PLXNB2: variants seen among roughly 807,000 people sequenced by gnomAD.
PLXNB2 encodes the protein plexin-B2.
A neutral mutation model predicts 202.6 loss-of-function variants in PLXNB2; 85 were observed. That is an observed-to-expected ratio of 0.42 (90% CI 0.35 to 0.50). PLXNB2 has a LOEUF of 0.50. PLXNB2 is among the 20% of genes least tolerant of loss of function. The pLI, the probability that PLXNB2 is intolerant of heterozygous loss-of-function variation, is 0.02. For synonymous variants in PLXNB2, 1,239 were observed against 1,137.6 expected, an observed-to-expected ratio of 1.09 and a Z score of -1.79; for missense variants, 2,063 against 2,586.2, an observed-to-expected ratio of 0.80 and a Z score of 4.39.
In PLXNB2 at chr22:50,284,388, T is replaced by C. The variant is rs1364820435; in HGVS notation, c.2182-175A>G. ...CCATGGACGCTGCTCTGTGCCACTC[T>C]GTCCCCAGGGAGGCAGAGGGCAGAG... On this transcript the variant is annotated intron_variant, in intron 12 of 36. Coordinates refer to ENST00000359337, the MANE Select transcript of PLXNB2 (RefSeq NM_012401.4). The surrounding 1 kb of genome is among the most constrained non-coding windows in gnomAD (Gnocchi z 8.0). The C allele has an allele frequency of 5.5e-6, 4 of 733,452 alleles. No homozygotes were observed. Among genetic ancestry groups the C allele is most frequent in the Non-Finnish European group, 9.2e-6 (4 of 433,096 alleles). 45.4% of individuals were successfully genotyped at this position (733,452 alleles called of 1,614,324 possible).
intron 1 of PLXNB2, among the ~76,000 whole-genome samples, chr22:50,300,715 G>C (rs1347543319): frequency 6.6e-6 from 1 of 152,186 alleles, no homozygotes; most frequent in African/African-American, 2.4e-5. Flanking sequence ...TTCCTACTTA[G>C]GGCCAGCCTC....
Position 50,280,665 on chromosome 22 carries a change from G to A in PLXNB2, c.3999C>T (p.Ile1333=), listed in dbSNP as rs895649301. The part of the protein sequence containing the change: ...LNSKSFLINF[I]HTLENQREFS... ...ACTCCCGCTGGTTCTCCAGGGTGTGGATGAACTGTAGGGGCCGGCGGTCAA... is the reference window on the plus strand; with the variant it reads ...ACTCCCGCTGGTTCTCCAGGGTGTGAATGAACTGTAGGGGCCGGCGGTCAA... Residue 1333 remains isoleucine (I), a synonymous_variant, in exon 25 of 37, where the codon ATC becomes ATT. Coordinates refer to ENST00000359337, the MANE Select transcript of PLXNB2 (RefSeq NM_012401.4). The A allele has an allele frequency of 1.2e-6, 2 of 1,611,892 alleles. No homozygotes were observed. The highest frequency in any genetic ancestry group is 1.7e-6 in the Non-Finnish European group (2 of 1,179,424).
In PLXNB2 at chr22:50,281,582, T is replaced by G; in HGVS notation, c.3506A>C (p.Asn1169Thr). 1.9e-6 allele frequency: 3 copies of G among 1,610,896 alleles called. No homozygotes were observed. The highest frequency in any genetic ancestry group is 2.5e-6 in the Non-Finnish European group (3 of 1,178,740). Residue 1169 changes from asparagine to threonine, a missense_variant, in exon 21 of 37, where the codon AAC (asparagine) becomes ACC (threonine). Coordinates refer to ENST00000359337, the MANE Select transcript of PLXNB2 (RefSeq NM_012401.4). ...CTCACGCACAATGAACTCGGGCAGGTTGTGTGTGGTGTCTCGTTTCTGCCG... is the reference window on the plus strand; with the variant it reads ...CTCACGCACAATGAACTCGGGCAGGGTGTGTGTGGTGTCTCGTTTCTGCCG... The part of the protein sequence containing the change: ...KRRQKRDTTH[N>T]LPEFIVKFGS...
At chr22:50,294,083 C>A (rs369842882) in intron 2 of PLXNB2, among the ~76,000 whole-genome samples, 1 of 152,232 alleles carries the variant, frequency 6.6e-6, no homozygotes, top group Admixed American at 6.5e-5. Flanking sequence ...AAAGCTCCGG[C>A]GGCGCAGGAG....
intron 33 of PLXNB2, 122 bp downstream of exon 33, chr22:50,277,469 A>T: frequency 9.7e-7 from 1 of 1,028,246 alleles, no homozygotes; most frequent in Non-Finnish European, 1.4e-6. Flanking sequence ...GTCACCTCCT[A>T]CATCAAGGGC....
In PLXNB2 at chr22:50,284,260, G is replaced by C. The variant is rs1351228473; in HGVS notation, c.2182-47C>G. The C allele has an allele frequency of 6.4e-7, 1 of 1,559,374 alleles. No homozygotes were observed. Among genetic ancestry groups the C allele is most frequent in the South Asian group, 1.1e-5 (1 of 90,052 alleles). On this transcript the variant is annotated intron_variant, in intron 12 of 36. Coordinates refer to ENST00000359337, the MANE Select transcript of PLXNB2 (RefSeq NM_012401.4). This position sits in a 1 kb window ranked among gnomAD's most constrained non-coding sequence, Gnocchi z 8.0. Reference sequence around the variant, plus strand: ...ACTGCACTTCCTGCCCCCACAGAGGGGCGTGGGGCGGGGGTCACAAGGGCA... The same window carrying C: ...ACTGCACTTCCTGCCCCCACAGAGGCGCGTGGGGCGGGGGTCACAAGGGCA...
At position 50,290,373 on chromosome 22, in the gene PLXNB2, G is replaced by A. The variant is rs1233673658; in HGVS notation, c.212C>T (p.Pro71Leu). 1.9e-6 allele frequency: 3 copies of A among 1,612,832 alleles called. No individual in the cohort carries two copies. The highest frequency in any genetic ancestry group is 2.5e-6 in the Non-Finnish European group (3 of 1,179,976). ...LQLEQQVATG[P>L]ALDNKKCTPP... ...CGTGCACTTCTTGTTGTCCAGGGCC[G>A]GGCCCGTGGCCACCTGCTGCTCCAG... Residue 71 changes from proline (P) to leucine (L), a missense_variant, in exon 3 of 37, where the codon CCG becomes CTG. Physicochemically the swap from Pro to Leu is moderately conservative, Grantham distance 98. This residue lies in a region of PLXNB2 where 1,303 missense variants were observed against 1,476.8 expected (regional missense o/e 0.88). Transcript: ENST00000359337.
chr22:50,282,867 G>T lies in PLXNB2; in HGVS notation c.2831C>A (p.Ala944Glu), dbSNP rs149805063. 1 of 1,609,214 alleles carries T rather than the reference G, an allele frequency of 6.2e-7. No homozygotes were observed. The highest frequency in any genetic ancestry group is 8.5e-7 in the Non-Finnish European group (1 of 1,177,310). ...GGGGCCAGTGACACACTGGAGCTGC[G>T]CCCCAAACTTCGTCCTGGGGGAGGG... is the stretch of plus-strand genomic sequence containing the variant. Reference protein sequence around the residue: ...GVPCKVTKFGAQLQCVTGPQA... With the variant: ...GVPCKVTKFGEQLQCVTGPQA... The change falls in exon 18 of 37, where the codon GCG (alanine) becomes GAG (glutamate). Residue 944 changes from alanine (A) to glutamate (E), a missense_variant. Around this residue, in one of 2 missense-constraint regions of PLXNB2, gnomAD observed 1,303 missense variants for 1,476.8 expected, o/e 0.88. Transcript: ENST00000359337.
chr22:50,287,084 A>G, intron 8 of PLXNB2, 27 bp downstream of exon 8: 10 of 1,475,670 alleles, frequency 6.8e-6, no homozygotes, highest in Non-Finnish European at 9.0e-6. Context: ...GAGAAGGGCC[A>G]CCCGGGGGCT....
At chr22:50,307,444 A>T in intron 1 of PLXNB2, 109 bp downstream of exon 1, 1 of 549,500 alleles carries the variant, frequency 1.8e-6, no homozygotes, top group Non-Finnish European at 2.3e-6. Context: ...CAGCCGCCGC[A>T]GGTCCCCGGG....
intron 22 of PLXNB2, 74 bp from the exon 23 acceptor site, chr22:50,281,263 A>T: frequency 6.4e-7 from 1 of 1,571,990 alleles, no homozygotes; most frequent in Non-Finnish European, 8.7e-7. Flanking sequence ...AGGTGGATCT[A>T]CACGCCTGCC....
At chr22:50,303,309 G>A (rs1000051783) in intron 1 of PLXNB2, among the ~76,000 whole-genome samples, 2 of 152,200 alleles carry the variant, frequency 1.3e-5, no homozygotes, top group Non-Finnish European at 2.9e-5. Flanking sequence ...TCGGCCTTCA[G>A]CACCCCACTT....
intron 33 of PLXNB2, 69 bp from the exon 34 acceptor site, chr22:50,276,975 G>A (rs2065646629): frequency 1.7e-6 from 2 of 1,166,342 alleles, no homozygotes; most frequent in Non-Finnish European, 2.5e-6. Flanking sequence ...AGTACCCCTG[G>A]GTAGCTTCCC....
At chr22:50,295,715 C>T (rs968715892) in intron 1 of PLXNB2, among the ~76,000 whole-genome samples, 13 of 152,246 alleles carry the variant, frequency 8.5e-5, no homozygotes, top group South Asian at 2.1e-4. Context: ...GATGCAGGTG[C>T]GTCTGTGCTG....
At chr22:50,286,994 C>T in intron 8 of PLXNB2, 117 bp downstream of exon 8, 3 of 1,061,596 alleles carry the variant, frequency 2.8e-6, no homozygotes, top group Admixed American at 6.7e-5. Flanking sequence ...CCCGGAGCAG[C>T]CGCGGAGTGT....
At chr22:50,278,821 G>A (rs371461721) in intron 28 of PLXNB2, 34 bp downstream of exon 28, 134 of 1,601,984 alleles carry the variant, frequency 8.4e-5, no homozygotes, top group Middle Eastern at 1.7e-4. Flanking sequence ...GCACATGGGC[G>A]CCTGTGTGCA....
intron 23 of PLXNB2, 21 bp downstream of exon 23, chr22:50,281,068 C>T: frequency 6.2e-7 from 1 of 1,608,636 alleles, no homozygotes; most frequent in Non-Finnish European, 8.5e-7. Flanking sequence ...GCCCCAGCAC[C>T]AGCCCCCAAG....
chr22:50,288,053 C>G lies in PLXNB2; in HGVS notation c.1381-16G>C. 6.5e-7 allele frequency: 1 copy of G among 1,544,898 alleles called. No homozygotes were observed. Among genetic ancestry groups the G allele is most frequent in the Non-Finnish European group, 8.8e-7 (1 of 1,142,632 alleles). On this transcript the variant is annotated splice_polypyrimidine_tract_variant and intron_variant, in intron 5 of 36. Transcript: ENST00000359337. This position sits in a 1 kb window ranked among gnomAD's most constrained non-coding sequence, Gnocchi z 5.0. ...GCCGGAACACCTAGGGCAGCGGGGC[C>G]GTGAGTGGGACCACAGCAGAGGCCG...
In PLXNB2 at chr22:50,278,497, ATGAGGG is replaced by A; in HGVS notation, c.4664_4669del (p.Thr1555_Leu1556del). ...CTGGGAGACCCCCACCTTGGACAGG[ATGAGGG>A]TGGCTCCATCCCGGACCTGGGGAAC... is the stretch of plus-strand genomic sequence containing the variant. On this transcript the variant is annotated inframe_deletion, in exon 30 of 37. Coordinates refer to ENST00000359337, the MANE Select transcript of PLXNB2 (RefSeq NM_012401.4). 1 of 1,564,854 alleles carries A rather than the reference ATGAGGG, an allele frequency of 6.4e-7. No homozygotes were observed. The highest frequency in any genetic ancestry group is 8.7e-7 in the Non-Finnish European group (1 of 1,155,122).
Sources: gnomAD v4.1 joint callset for allele counts (sites outside exome capture counted in the v4.1 genomes callset) on GRCh38, gnomAD v4.1.1 for gene constraint, gnomAD v4.1.1 regional missense constraint, Gnocchi (gnomAD v3.1) non-coding constraint, MANE v1.5 for transcripts, NCBI Gene and HGNC (gene_info 2026-07-23, HGNC 2026-07-21) for gene names.